Variants in ACOT7 observed in about 807,000 individuals in gnomAD.
ACOT7 encodes acyl-CoA thioesterase 7.
ACOT7 carries 12 observed loss-of-function variants against 40.2 expected under a neutral mutation model. The observed-to-expected ratio is 0.30, with a 90% CI of 0.19 to 0.48. ACOT7 has a LOEUF of 0.48. Among genes scored for constraint, ACOT7 ranks in the 20% least tolerant of loss-of-function variants. The pLI is 0.99. For missense variants in ACOT7, 395 were observed against 530.8 expected (o/e 0.74, Z 2.51); for synonymous variants, 228 against 219.5 (o/e 1.04, Z -0.34).
chr1:6,313,817 A>G (rs911753263), intron 6 of ACOT7, among the ~76,000 whole-genome samples: 4 of 152,108 alleles, frequency 2.6e-5, no homozygotes, highest in Non-Finnish European at 5.9e-5. Context: ...AGTTCAAAAA[A>G]AAAAAAGAAA....
chr1:6,343,412 G>A (rs1045524402), intron 2 of ACOT7, among the ~76,000 whole-genome samples: 3 of 152,280 alleles, frequency 2.0e-5, no homozygotes, highest in Admixed American at 2.0e-4. Flanking sequence ...CCTGCACACA[G>A]GCGCAGGGAC....
rs111876500 is a variant in ACOT7 at position 6,359,934 on chromosome 1, G to A, written c.144-10068C>T. Among the ~76,000 whole-genome samples the A allele has an allele frequency of 0.023, 3,526 of 152,286 alleles. 64 individuals are homozygous for A. Among genetic ancestry groups the A allele is most frequent in the Non-Finnish European group, 0.035 (2,407 of 68,032 alleles). ...TTAGGCCACTCCCACTGGAACAGCC[G>A]GCCCTTATCAAGGCCCTTATCAAAC... On this transcript the variant is annotated intron_variant, in intron 1 of 8. Transcript: ENST00000361521. The surrounding 1 kb of genome is among the most constrained non-coding windows in gnomAD (Gnocchi z 4.1).
intron 8 of ACOT7, among the ~76,000 whole-genome samples, chr1:6,269,669 G>A (rs1296839433): frequency 1.3e-5 from 2 of 152,234 alleles, no homozygotes; most frequent in Non-Finnish European, 2.9e-5. Context: ...AATATTTGCA[G>A]CAAACTCATC....
At chr1:6,372,013 C>T (rs963208740) in intron 1 of ACOT7, among the ~76,000 whole-genome samples, 4 of 151,766 alleles carry the variant, frequency 2.6e-5, no homozygotes, top group Middle Eastern at 3.2e-3. Context: ...CCACTGCACT[C>T]CACCCTGGGC....
intron 8 of ACOT7, among the ~76,000 whole-genome samples, chr1:6,279,380 G>C (rs1639289605): frequency 6.6e-6 from 1 of 152,190 alleles, no homozygotes; most frequent in Admixed American, 6.5e-5. Flanking sequence ...GGAAGGAGCA[G>C]GCAGCAGAGC....
intron 6 of ACOT7, among the ~76,000 whole-genome samples, chr1:6,297,496 C>T (rs1639841746): frequency 6.6e-6 from 1 of 152,182 alleles, no homozygotes; most frequent in African/African-American, 2.4e-5. Flanking sequence ...TAGTGGGGGC[C>T]CCGAGCAGAG....
At chr1:6,314,639 G>A (rs909728130) in intron 6 of ACOT7, among the ~76,000 whole-genome samples, 4 of 152,060 alleles carry the variant, frequency 2.6e-5, no homozygotes, top group African/African-American at 9.7e-5. Context: ...TTTCTGGGCC[G>A]ATCCTGAGCA....
In ACOT7 at chr1:6,294,262, A is replaced by G. The variant is rs533207689; in HGVS notation, c.829+602T>C. On this transcript the variant is annotated intron_variant, in intron 7 of 8. Coordinates refer to ENST00000361521, the MANE Select transcript of ACOT7 (RefSeq NM_007274.4). This position sits in a 1 kb window ranked among gnomAD's most constrained non-coding sequence, Gnocchi z 4.6. ...TCTGCAGAGAGCAGTCACATAAGAC[A>G]AGCATGGTGACCTCTGCTCATACAA... 3.7e-4 allele frequency among the ~76,000 whole-genome samples: 57 copies of G among 152,340 alleles called. No homozygotes were observed. Among genetic ancestry groups the G allele is most frequent in the African/African-American group, 1.3e-3 (55 of 41,568 alleles).
chr1:6,304,983 G>T (rs1205436427), intron 6 of ACOT7, among the ~76,000 whole-genome samples: 3 of 148,028 alleles, frequency 2.0e-5, no homozygotes, highest in African/African-American at 5.1e-5. Context: ...GGGCAGAGGC[G>T]CCCCTCACCT....
intron 8 of ACOT7, among the ~76,000 whole-genome samples, chr1:6,280,190 C>T (rs1179607389): frequency 6.6e-6 from 1 of 152,230 alleles, no homozygotes; most frequent in African/African-American, 2.4e-5. Context: ...CTGCTCTGTT[C>T]CCGCATCCTC....
chr1:6,347,808 T>C (rs1367411741), intron 2 of ACOT7, among the ~76,000 whole-genome samples: 1 of 149,836 alleles, frequency 6.7e-6, no homozygotes, highest in Non-Finnish European at 1.5e-5. Context: ...CTCTCCGGGG[T>C]GTTGTGAGGA....
chr1:6,304,382 A>C (rs1412684961), intron 6 of ACOT7, among the ~76,000 whole-genome samples: 3 of 148,868 alleles, frequency 2.0e-5, no homozygotes, highest in African/African-American at 7.4e-5. Context: ...ACACAGGTAG[A>C]AAAGTACGTT....
chr1:6,283,545 G>T (rs535565957), intron 7 of ACOT7, among the ~76,000 whole-genome samples: 17 of 152,330 alleles, frequency 1.1e-4, no homozygotes, highest in Admixed American at 5.9e-4. Flanking sequence ...GCTGCTCATG[G>T]CTTAATTGCT....
chr1:6,367,485 A>G (rs1289448696), intron 1 of ACOT7, among the ~76,000 whole-genome samples: 2 of 152,186 alleles, frequency 1.3e-5, no homozygotes, highest in Admixed American at 1.3e-4. Context: ...TGTGTGAGTG[A>G]GCATGGAGTA....
At chr1:6,285,740 A>C (rs753663323) in intron 7 of ACOT7, among the ~76,000 whole-genome samples, 10 of 152,008 alleles carry the variant, frequency 6.6e-5, no homozygotes, top group Non-Finnish European at 1.5e-4. Context: ...CACTGCCTGC[A>C]GACCTGGCGT....
intron 1 of ACOT7, among the ~76,000 whole-genome samples, chr1:6,353,503 A>G (rs1010672701): frequency 6.6e-6 from 1 of 152,076 alleles, no homozygotes; most frequent in African/African-American, 2.4e-5. Context: ...GCGTGGTGGT[A>G]CACACCTGCA....
intron 1 of ACOT7, among the ~76,000 whole-genome samples, chr1:6,366,032 T>C (rs992337674): frequency 6.6e-6 from 1 of 151,696 alleles, no homozygotes; most frequent in Non-Finnish European, 1.5e-5. Context: ...GTAGCTAGGA[T>C]TACAGGCACG....
intron 7 of ACOT7, among the ~76,000 whole-genome samples, chr1:6,285,384 T>C (rs911078809): frequency 4.6e-5 from 7 of 152,250 alleles, no homozygotes; most frequent in South Asian, 2.1e-4. Context: ...GGAAGCAGCC[T>C]GCCCTGGAGC....
chr1:6,385,580 C>T (rs755432796), intron 1 of ACOT7: 2 of 1,612,246 alleles, frequency 1.2e-6, no homozygotes, highest in South Asian at 2.2e-5. Flanking sequence ...GCCGGGGCCC[C>T]ACACATCCCT....
Sources: gnomAD v4.1 joint callset for allele counts (sites outside exome capture counted in the v4.1 genomes callset) on GRCh38, gnomAD v4.1.1 for gene constraint, Gnocchi (gnomAD v3.1) non-coding constraint, MANE v1.5 for transcripts, NCBI Gene and HGNC (gene_info 2026-07-23, HGNC 2026-07-21) for gene names.